KCNH7: variants seen among roughly 807,000 people sequenced by gnomAD.
KCNH7 encodes voltage-gated inwardly rectifying potassium channel KCNH7.
A neutral mutation model predicts 120.8 loss-of-function variants in KCNH7; 49 were observed. That is an observed-to-expected ratio of 0.41 (90% CI 0.32 to 0.51). The LOEUF (loss-of-function observed/expected upper bound fraction) is 0.51. Among genes scored for constraint, KCNH7 ranks in the 20% least tolerant of loss-of-function variants. The probability of loss-of-function intolerance (pLI) is 0.38; values close to 1 mark genes in which losing one functional copy is unlikely to be tolerated. For missense variants in KCNH7, 1,097 were observed against 1,446.6 expected (o/e 0.76, Z 3.92); for synonymous variants, 547 against 516.1 (o/e 1.06, Z -0.81).
intron 2 of KCNH7, among the ~76,000 whole-genome samples, chr2:162,717,246 C>T (rs1018565425): frequency 5.9e-5 from 9 of 152,054 alleles, no homozygotes; most frequent in African/African-American, 2.2e-4. Context: ...TGTAAAGTGC[C>T]ATGCATGTTA....
intron 2 of KCNH7, among the ~76,000 whole-genome samples, chr2:162,561,393 T>G (rs2105879550): frequency 6.6e-6 from 1 of 152,358 alleles, no homozygotes; most frequent in South Asian, 2.1e-4. Flanking sequence ...TTTATAATCC[T>G]TTGGGTATAT....
At chr2:162,772,445 T>A (rs1055426687) in intron 2 of KCNH7, among the ~76,000 whole-genome samples, 21 of 152,184 alleles carry the variant, frequency 1.4e-4, no homozygotes, top group Admixed American at 3.9e-4. Context: ...TCACATTCAA[T>A]CCCCATGACA....
intron 2 of KCNH7, among the ~76,000 whole-genome samples, chr2:162,776,413 C>G (rs1683241056): frequency 6.6e-6 from 1 of 151,932 alleles, no homozygotes; most frequent in African/African-American, 2.4e-5. Flanking sequence ...GGGTGTTCAG[C>G]TGAAAAGACA....
Position 162,400,458 on chromosome 2 carries a change from A to G in KCNH7, c.2155-17T>C. Reference sequence around the variant, plus strand: ...CTTTAGGACCTGAGGAAAAAAAGAAAGAGTTTCATACTACCAGTGTTCTGG... The same window carrying G: ...CTTTAGGACCTGAGGAAAAAAAGAAGGAGTTTCATACTACCAGTGTTCTGG... On this transcript the variant is annotated splice_polypyrimidine_tract_variant and intron_variant, in intron 9 of 15. Transcript: ENST00000332142. The G allele has an allele frequency of 6.2e-7, 1 of 1,610,280 alleles. No homozygotes were observed. The highest frequency in any genetic ancestry group is 8.5e-7 in the Non-Finnish European group (1 of 1,177,650).
At chr2:162,475,413 G>C (rs1022511728) in intron 6 of KCNH7, among the ~76,000 whole-genome samples, 64 of 152,266 alleles carry the variant, frequency 4.2e-4, no homozygotes, top group African/African-American at 1.4e-3. Flanking sequence ...GTGGCATGAG[G>C]CCAGAGAACA....
chr2:162,440,112 T>A (rs545879058), intron 7 of KCNH7, among the ~76,000 whole-genome samples: 22 of 151,800 alleles, frequency 1.4e-4, no homozygotes, highest in Admixed American at 3.3e-4. Context: ...TATTAAAAAA[T>A]TTTTGAAAAA....
chr2:162,771,186 T>C (rs1330498661), intron 2 of KCNH7, among the ~76,000 whole-genome samples: 21 of 152,118 alleles, frequency 1.4e-4, no homozygotes. Context: ...CTCCTTGAAA[T>C]ATGTTATGGT....
At chr2:162,801,422 C>A (rs531989378) in intron 2 of KCNH7, among the ~76,000 whole-genome samples, 2 of 151,780 alleles carry the variant, frequency 1.3e-5, no homozygotes, top group South Asian at 2.1e-4. Context: ...GAAGTAATTT[C>A]TTTTTTCTCA....
intron 2 of KCNH7, among the ~76,000 whole-genome samples, chr2:162,813,246 C>T (rs1413508812): frequency 6.6e-6 from 1 of 152,080 alleles, no homozygotes; most frequent in Non-Finnish European, 1.5e-5. Context: ...GAATGGTCAA[C>T]CCACTTTAAC....
chr2:162,480,194 A>G (rs1689886054), intron 6 of KCNH7, among the ~76,000 whole-genome samples: 1 of 152,126 alleles, frequency 6.6e-6, no homozygotes, highest in Non-Finnish European at 1.5e-5. Flanking sequence ...TTAAATAGAC[A>G]CTTGCGGTGT....
chr2:162,572,834 G>A (rs1253212294), intron 2 of KCNH7, among the ~76,000 whole-genome samples: 1 of 151,048 alleles, frequency 6.6e-6, no homozygotes, highest in Non-Finnish European at 1.5e-5. Flanking sequence ...ACTCATAGGT[G>A]GGAATTGAAC....
chr2:162,406,368 A>G (rs1687223745), intron 9 of KCNH7, among the ~76,000 whole-genome samples: 1 of 151,952 alleles, frequency 6.6e-6, no homozygotes, highest in Non-Finnish European at 1.5e-5. Flanking sequence ...TTTTTGATTT[A>G]TTTCACTTAG....
intron 2 of KCNH7, among the ~76,000 whole-genome samples, chr2:162,543,933 C>T (rs1053874598): frequency 3.3e-5 from 5 of 152,106 alleles, no homozygotes; most frequent in Admixed American, 6.5e-5. Flanking sequence ...AGTGAGTAAA[C>T]TTTCTCCAAA....
chr2:162,752,246 G>A (rs1235328301), intron 2 of KCNH7, among the ~76,000 whole-genome samples: 1 of 152,034 alleles, frequency 6.6e-6, no homozygotes, highest in Non-Finnish European at 1.5e-5. Context: ...CATTAATTTG[G>A]AAGGAAAAAA....
chr2:162,693,284 T>A (rs1055025118), intron 2 of KCNH7, among the ~76,000 whole-genome samples: 4 of 152,106 alleles, frequency 2.6e-5, no homozygotes, highest in African/African-American at 9.7e-5. Context: ...AATGATCACA[T>A]CCAGCACACA....
intron 2 of KCNH7, among the ~76,000 whole-genome samples, chr2:162,760,323 T>G (rs765717773): frequency 6.6e-6 from 1 of 152,146 alleles, no homozygotes; most frequent in Non-Finnish European, 1.5e-5. Context: ...TCACAAACCA[T>G]CATTCAGAAA....
At position 162,656,934 on chromosome 2, in the gene KCNH7, GC is replaced by G. The variant is rs757998657; in HGVS notation, c.308-119855del. Among the ~76,000 whole-genome samples the G allele has an allele frequency of 6.6e-5, 10 of 152,310 alleles. No individual in the cohort carries two copies. The South Asian group carries it at 2.1e-3, about 32-fold the overall frequency. ...AGAAGGGACCATGGCAATTTAGAAAGCATGTCTCCTTTAAAGGTGCTAAGGC... is the reference window on the plus strand; with the variant it reads ...AGAAGGGACCATGGCAATTTAGAAAGATGTCTCCTTTAAAGGTGCTAAGGC... On this transcript the variant is annotated intron_variant, in intron 2 of 15. Coordinates refer to ENST00000332142, the MANE Select transcript of KCNH7 (RefSeq NM_033272.4).
chr2:162,627,276 T>C (rs1389635538), intron 2 of KCNH7, among the ~76,000 whole-genome samples: 1 of 152,200 alleles, frequency 6.6e-6, no homozygotes, highest in African/African-American at 2.4e-5. Context: ...ATTCCCCATC[T>C]GTCTGTATTA....
At chr2:162,397,268 G>A (rs1416925666) in intron 10 of KCNH7, among the ~76,000 whole-genome samples, 1 of 151,664 alleles carries the variant, frequency 6.6e-6, no homozygotes, top group Non-Finnish European at 1.5e-5. Context: ...TTTCAGGTAG[G>A]TGTACTCTGA....
Sources: allele counts gnomAD v4.1 joint callset (sites outside exome capture counted in the v4.1 genomes callset), GRCh38; gene constraint gnomAD v4.1.1; transcripts MANE v1.5; gene names NCBI Gene and HGNC (gene_info 2026-07-23, HGNC 2026-07-21).